Variants in VWA3B observed in about 807,000 individuals in gnomAD.
VWA3B encodes the protein von Willebrand factor A domain-containing protein 3B.
In VWA3B, 138 loss-of-function variants were observed where a neutral mutation model predicts 158.3. That is an observed-to-expected ratio of 0.87 (90% CI 0.76 to 1.00). VWA3B has a LOEUF of 1.00. Ranked by LOEUF, VWA3B falls within the 50% of genes least tolerant of loss-of-function variation. VWA3B has a pLI of 0.00. For synonymous variants in VWA3B, 596 were observed against 587.3 expected (o/e 1.01, Z -0.21); for missense variants, 1,555 against 1,565.1 (o/e 0.99, Z 0.11).
intron 22 of VWA3B, among the ~76,000 whole-genome samples, chr2:98,288,627 A>T (rs1276732091): frequency 5.3e-5 from 8 of 152,188 alleles, no homozygotes; most frequent in Non-Finnish European, 1.2e-4. Flanking sequence ...TGTTTCATAT[A>T]GTTCGCTATT....
intron 5 of VWA3B, among the ~76,000 whole-genome samples, chr2:98,123,811 G>T (rs965838894): frequency 3.3e-5 from 5 of 152,158 alleles, no homozygotes; most frequent in Non-Finnish European, 5.9e-5. Context: ...GGCCTCACGA[G>T]GAAGGGTGGT....
intron 5 of VWA3B, chr2:98,128,010 G>A (rs1239774617): frequency 2.2e-6 from 1 of 444,606 alleles, no homozygotes; most frequent in East Asian, 3.5e-5. Flanking sequence ...TATTCTTCTC[G>A]TGCCTTACCC....
chr2:98,303,763 C>T lies in VWA3B; in HGVS notation c.3482C>T (p.Ser1161Phe). 6.2e-7 allele frequency: 1 copy of T among 1,614,150 alleles called. No individual in the cohort carries two copies. ...CAAAACAAGTATGCGCTCTCTTGCT[C>T]TCATATAAAGTCACCCCCAATTCCT... ...ISQNKYALSC[S>F]HIKSPPIPED... Residue 1161 changes from serine (S) to phenylalanine (F), a missense_variant, in exon 26 of 28, where the codon TCT (serine) becomes TTT (phenylalanine). Ser to Phe is a radical substitution (Grantham distance 155). Transcript: ENST00000477737.
intron 12 of VWA3B, chr2:98,207,710 C>T (rs1683138167): frequency 2.5e-6 from 1 of 403,194 alleles, no homozygotes; most frequent in Admixed American, 2.8e-5. Context: ...AGCTGATACG[C>T]TGGCTGAAGA....
intron 25 of VWA3B, among the ~76,000 whole-genome samples, chr2:98,302,725 T>C (rs1690272688): frequency 6.6e-6 from 1 of 152,140 alleles, no homozygotes; most frequent in Non-Finnish European, 1.5e-5. Flanking sequence ...ACACAGACAA[T>C]CTGGCTCCAT....
At position 98,311,854 on chromosome 2, in the gene VWA3B, TC is replaced by T. The variant is rs1337175114; in HGVS notation, c.3558del (p.Trp1187GlyfsTer3). On this transcript the variant is annotated frameshift_variant, in exon 27 of 28. Coordinates refer to ENST00000477737, the MANE Select transcript of VWA3B (RefSeq NM_144992.5). LOFTEE classifies it high-confidence loss of function. ...GAGGCGAGGAACTCTGCTTTCCTCT[TC>T]TGGCCACTGAAAGAAGCGGACACGC... ...DVEARNSAFLFWPLKEADTQD... is the reference protein window; with the variant it reads ...DVEARNSAFLXWPLKEADTQD... 3 of 1,611,818 alleles carry T rather than the reference TC, an allele frequency of 1.9e-6. No individual in the cohort carries two copies. The highest frequency in any genetic ancestry group is 2.7e-5 in the African/African-American group (2 of 74,826).
Position 98,159,855 on chromosome 2 carries a change from T to TA in VWA3B, c.989-2989dup, listed in dbSNP as rs200522439. On this transcript the variant is annotated intron_variant, in intron 7 of 27. Transcript: ENST00000477737. The stretch of plus-strand genomic sequence containing the variant: ...CAACATGGTGAAACCCCATCTCTAC[T>TA]AAAAAAATACAAAAATTAGCCAGGT... Among the ~76,000 whole-genome samples the TA allele has an allele frequency of 2.0e-3, 298 of 151,470 alleles. 12 individuals carry two copies. The East Asian group carries it at 0.037, about 19-fold the overall frequency.
chr2:98,292,023 C>G (rs1181962783), intron 23 of VWA3B: 1 of 148,142 alleles, frequency 6.8e-6, no homozygotes, highest in East Asian at 2.0e-4. Flanking sequence ...GCTGGTGGAT[C>G]ACTTAAGGTC....
chr2:98,314,673 A>G (rs751705999), downstream of VWA3B, among the ~76,000 whole-genome samples: 1 of 152,224 alleles, frequency 6.6e-6, no homozygotes, highest in Non-Finnish European at 1.5e-5. Flanking sequence ...CTGACATCCA[A>G]TCAAAGACTG....
chr2:98,091,573 A>G (rs1349098893), intron 1 of VWA3B, among the ~76,000 whole-genome samples: 4 of 152,214 alleles, frequency 2.6e-5, no homozygotes, highest in Non-Finnish European at 5.9e-5. Flanking sequence ...TGAAAATAAG[A>G]GTAGTACCTA....
intron 3 of VWA3B, among the ~76,000 whole-genome samples, chr2:98,119,095 C>T (rs896833957): frequency 1.3e-5 from 2 of 152,160 alleles, no homozygotes. Context: ...GGAAGGTGTG[C>T]TGGCATGTTC....
At chr2:98,197,805 A>C (rs1196934615) in intron 12 of VWA3B, among the ~76,000 whole-genome samples, 1 of 151,596 alleles carries the variant, frequency 6.6e-6, no homozygotes, top group Non-Finnish European at 1.5e-5. Context: ...AAGATGTTCT[A>C]TGATCATCTT....
At chr2:98,089,688 AT>A (rs1366418978) in intron 1 of VWA3B, among the ~76,000 whole-genome samples, 2 of 145,782 alleles carry the variant, frequency 1.4e-5, no homozygotes, top group African/African-American at 5.2e-5. Context: ...TTCCATTTGT[AT>A]TTCAGACAAT....
At chr2:98,243,244 G>A (rs577786813) in intron 19 of VWA3B, among the ~76,000 whole-genome samples, 1 of 152,198 alleles carries the variant, frequency 6.6e-6, no homozygotes, top group South Asian at 2.1e-4. Context: ...CAGTTTAAAT[G>A]CTCAGCCTTT....
At chr2:98,272,162 T>G (rs1019422746) in intron 22 of VWA3B, among the ~76,000 whole-genome samples, 1 of 152,142 alleles carries the variant, frequency 6.6e-6, no homozygotes, top group South Asian at 2.1e-4. Context: ...AGACTGGCCC[T>G]CCCAACACAT....
At chr2:98,133,710 AGAAGAT>A in intron 6 of VWA3B, 108 bp from the exon 7 acceptor site, 4 of 806,242 alleles carry the variant, frequency 5.0e-6, no homozygotes, top group Non-Finnish European at 8.4e-6. Flanking sequence ...ACCATGGCTA[AGAAGAT>A]GAAGATGCCC....
intron 3 of VWA3B, among the ~76,000 whole-genome samples, chr2:98,116,235 T>C (rs188778592): frequency 6.6e-6 from 1 of 152,354 alleles, no homozygotes; most frequent in African/African-American, 2.4e-5. Context: ...TCAAAGTCTG[T>C]TGGAGACACA....
the VWA3B span, among the ~76,000 whole-genome samples, chr2:98,325,135 A>C: frequency 1.3e-5 from 2 of 152,220 alleles, no homozygotes; most frequent in Non-Finnish European, 2.9e-5. Flanking sequence ...AATGGCTGTA[A>C]ATCTCTCAAA....
At chr2:98,217,135 T>G (rs1684099528) in intron 13 of VWA3B, among the ~76,000 whole-genome samples, 1 of 152,226 alleles carries the variant, frequency 6.6e-6, no homozygotes, top group Non-Finnish European at 1.5e-5. Flanking sequence ...CAGCCACTCC[T>G]GTCCTCCTGC....
Sources: gnomAD v4.1 joint callset for allele counts (sites outside exome capture counted in the v4.1 genomes callset) on GRCh38, gnomAD v4.1.1 for gene constraint, MANE v1.5 for transcripts, NCBI Gene and HGNC (gene_info 2026-07-23, HGNC 2026-07-21) for gene names.